The following CYTH3 variants were observed in gnomAD, a reference collection of about 807,000 sequenced individuals.
CYTH3 encodes the protein cytohesin-3.
A neutral mutation model predicts 55.1 loss-of-function variants in CYTH3; 23 were observed. That is an observed-to-expected ratio of 0.42 (90% confidence interval 0.30 to 0.59). The LOEUF is 0.59. Ranked by LOEUF, CYTH3 falls within the 20% of genes least tolerant of loss-of-function variation. The pLI, the probability that CYTH3 is intolerant of heterozygous loss-of-function variation, is 0.20. For synonymous variants in CYTH3, 249 were observed against 194.9 expected (o/e 1.28, Z -2.31); for missense variants, 413 against 524.8 (o/e 0.79, Z 2.08).
Position 6,242,865 on chromosome 7 carries a change from C to G in CYTH3, c.34+29609G>C, listed in dbSNP as rs535887358. 2.6e-5 allele frequency among the ~76,000 whole-genome samples: 4 copies of G among 152,226 alleles called. No individual in the cohort carries two copies. In the East Asian group the frequency reaches 7.7e-4, roughly 29 times the overall value. On this transcript the variant is annotated intron_variant, in intron 1 of 12. Coordinates refer to ENST00000350796, the MANE Select transcript of CYTH3 (RefSeq NM_004227.4). Reference sequence around the variant, plus strand: ...TGCCACCCTCTAGGCAGTCCCTGTGCTGGGACCCCAGAATGGACCAAGGGT... The same window carrying G: ...TGCCACCCTCTAGGCAGTCCCTGTGGTGGGACCCCAGAATGGACCAAGGGT...
chr7:6,234,386 C>T (rs1160284723), intron 1 of CYTH3, among the ~76,000 whole-genome samples: 2 of 152,244 alleles, frequency 1.3e-5, no homozygotes, highest in African/African-American at 4.8e-5. Context: ...GCTAATTCTG[C>T]ATCTGAGCCA....
intron 1 of CYTH3, among the ~76,000 whole-genome samples, chr7:6,269,034 C>G (rs1000610580): frequency 2.6e-5 from 4 of 152,262 alleles, no homozygotes; most frequent in African/African-American, 9.6e-5. Flanking sequence ...AGAGACACTC[C>G]CTGAGGCAGG....
At position 6,173,732 on chromosome 7, in the gene CYTH3, C is replaced by T. The variant is rs750011072; in HGVS notation, c.370G>A (p.Asp124Asn). 24 of 1,590,082 alleles carry T rather than the reference C, an allele frequency of 1.5e-5. No homozygotes were observed. The highest frequency in any genetic ancestry group is 1.7e-4 in the Middle Eastern group (1 of 6,034). The part of the protein sequence containing the change: ...TVIGDYLGER[D>N]EFNIKVLQAF... ...TGAAGAACTTTAATATTAAATTCAT[C>T]CCTGGGAAAAAAAGAAGTAAGTTTC... is the stretch of plus-strand genomic sequence containing the variant. Residue 124 changes from aspartate (D) to asparagine (N), a missense_variant and splice_region_variant, in exon 6 of 13, where the codon GAT becomes AAT. By Grantham distance (23) the Asp-to-Asn change is conservative (BLOSUM62 1). Coordinates refer to ENST00000350796, the MANE Select transcript of CYTH3 (RefSeq NM_004227.4).
rs1165029097 is a variant in CYTH3 at position 6,266,188 on chromosome 7, C to T, written c.34+6286G>A. Reference sequence around the variant, plus strand: ...CCCTTCTCCTCCAAACCACTCTCCACTCAGGAGTCAAGAATATGCTTCTTT... The same window carrying T: ...CCCTTCTCCTCCAAACCACTCTCCATTCAGGAGTCAAGAATATGCTTCTTT... On this transcript the variant is annotated intron_variant, in intron 1 of 12. Transcript: ENST00000350796. Among the ~76,000 whole-genome samples the T allele has an allele frequency of 3.3e-5, 5 of 152,242 alleles. No homozygotes were observed. In the East Asian group the frequency reaches 9.6e-4, roughly 29 times the overall value.
chr7:6,262,936 G>T (rs937133050), intron 1 of CYTH3, among the ~76,000 whole-genome samples: 1 of 151,984 alleles, frequency 6.6e-6, no homozygotes, highest in Non-Finnish European at 1.5e-5. Context: ...GTGTTTAAGT[G>T]GAGGCAAAGT....
intron 1 of CYTH3, among the ~76,000 whole-genome samples, chr7:6,221,300 C>A (rs113111129): frequency 8.1e-4 from 123 of 152,246 alleles, no homozygotes; most frequent in African/African-American, 2.8e-3. Context: ...TTTAAAAACC[C>A]AGAAACAACC....
chr7:6,182,520 G>A (rs1783529601), intron 4 of CYTH3, among the ~76,000 whole-genome samples: 2 of 152,044 alleles, frequency 1.3e-5, no homozygotes, highest in African/African-American at 2.4e-5. Flanking sequence ...CTTGATAAAG[G>A]ATTTAAGAGA....
chr7:6,266,749 C>T (rs1472819969), intron 1 of CYTH3, among the ~76,000 whole-genome samples: 1 of 152,214 alleles, frequency 6.6e-6, no homozygotes, highest in Non-Finnish European at 1.5e-5. Context: ...CTTTCTCTTC[C>T]TCAACCTCTT....
At position 6,169,802 on chromosome 7, in the gene CYTH3, G is replaced by T. The variant is rs776691839; in HGVS notation, c.823+733C>A. ...GGGTGACGCCGCAGGGACAGGGCTGGCTGTCTGCTTCTCTACTGCTGCGGA... is the reference window on the plus strand; with the variant it reads ...GGGTGACGCCGCAGGGACAGGGCTGTCTGTCTGCTTCTCTACTGCTGCGGA... On this transcript the variant is annotated intron_variant, in intron 9 of 12. Transcript: ENST00000350796. The surrounding 1 kb of genome is among the most constrained non-coding windows in gnomAD (Gnocchi z 4.1). 8.5e-5 allele frequency among the ~76,000 whole-genome samples: 13 copies of T among 152,188 alleles called. No individual in the cohort carries two copies. Among genetic ancestry groups the T allele is most frequent in the Non-Finnish European group, 1.6e-4 (11 of 68,034 alleles).
At chr7:6,260,077 C>G (rs910482622) in intron 1 of CYTH3, among the ~76,000 whole-genome samples, 8 of 150,982 alleles carry the variant, frequency 5.3e-5, no homozygotes, top group Non-Finnish European at 1.0e-4. Flanking sequence ...GATCCACCCT[C>G]CTCGGCCTCC....
At chr7:6,262,563 T>C (rs963549680) in intron 1 of CYTH3, among the ~76,000 whole-genome samples, 1 of 152,198 alleles carries the variant, frequency 6.6e-6, no homozygotes, top group Non-Finnish European at 1.5e-5. Context: ...GCAGTAAAAC[T>C]ACCCCTTCAA....
chr7:6,270,406 T>A (rs558549786), intron 1 of CYTH3, among the ~76,000 whole-genome samples: 4 of 152,376 alleles, frequency 2.6e-5, no homozygotes, highest in African/African-American at 9.6e-5. Context: ...AAATAAATCT[T>A]CATTGTTGAA....
rs1281762134 is a variant in CYTH3, at chr7:6,208,025, A to G, written c.35-17494T>C. ...ACTGTTCTATAGGATGATACTTTTG[A>G]GCACTACTGTTCTTATTCTTCCAAG... is the stretch of plus-strand genomic sequence containing the variant. On this transcript the variant is annotated intron_variant, in intron 1 of 12. Coordinates refer to ENST00000350796, the MANE Select transcript of CYTH3 (RefSeq NM_004227.4). Among the ~76,000 whole-genome samples, 4 of 152,142 alleles carry G rather than the reference A, an allele frequency of 2.6e-5. No individual in the cohort carries two copies. In the South Asian group the frequency reaches 8.3e-4, roughly 32 times the overall value.
intron 1 of CYTH3, among the ~76,000 whole-genome samples, chr7:6,215,389 G>T (rs1412969131): frequency 6.6e-6 from 1 of 152,136 alleles, no homozygotes; most frequent in Non-Finnish European, 1.5e-5. Flanking sequence ...AGGAGATCAA[G>T]ACCATCCTGG....
At chr7:6,190,346 G>GTT (rs544153947) in intron 2 of CYTH3, 103 bp downstream of exon 2, 1,068 of 624,432 alleles carry the variant, frequency 1.7e-3, no homozygotes, top group South Asian at 1.9e-3. Flanking sequence ...TTGTTTTTGG[G>GTT]TTTTTTTTTT....
At chr7:6,205,673 G>A (rs1784168235) in intron 1 of CYTH3, among the ~76,000 whole-genome samples, 1 of 151,920 alleles carries the variant, frequency 6.6e-6, no homozygotes, top group Non-Finnish European at 1.5e-5. Flanking sequence ...AACTTAAGAT[G>A]CTACCACAGC....
At chr7:6,190,555 A>G (rs1783776987) in intron 1 of CYTH3, 24 bp from the exon 2 acceptor site, 3 of 1,492,478 alleles carry the variant, frequency 2.0e-6, no homozygotes, top group Non-Finnish European at 2.7e-6. Context: ...AAAATAATTA[A>G]CTACTTTGGA....
chr7:6,168,205 G>A (rs1046306698), intron 9 of CYTH3, among the ~76,000 whole-genome samples: 1 of 151,278 alleles, frequency 6.6e-6, no homozygotes, highest in African/African-American at 2.4e-5. Context: ...GCTCGGATTG[G>A]GCCACCTCCT....
At chr7:6,255,922 C>T (rs1484072624) in intron 1 of CYTH3, among the ~76,000 whole-genome samples, 2 of 151,922 alleles carry the variant, frequency 1.3e-5, no homozygotes, top group Non-Finnish European at 2.9e-5. Flanking sequence ...CGCCACTACG[C>T]CCAGCTAATT....
Sources: allele counts gnomAD v4.1 joint callset (sites outside exome capture counted in the v4.1 genomes callset), GRCh38; gene constraint gnomAD v4.1.1; non-coding constraint Gnocchi (gnomAD v3.1); transcripts MANE v1.5; gene names NCBI Gene and HGNC (gene_info 2026-07-23, HGNC 2026-07-21).